LPP: variants seen among roughly 807,000 people sequenced by gnomAD.
LPP encodes LIM domain containing preferred translocation partner in lipoma, also known as lipoma-preferred partner.
A neutral mutation model predicts 60.4 loss-of-function variants in LPP; 38 were observed. That is an observed-to-expected ratio of 0.63 (90% CI 0.49 to 0.83). The LOEUF is 0.83. Among genes scored for constraint, LPP ranks in the 40% least tolerant of loss-of-function variants. The pLI, the probability that LPP is intolerant of heterozygous loss-of-function variation, is 0.00. For synonymous variants in LPP, 328 were observed against 290.8 expected, an observed-to-expected ratio of 1.13 and a Z score of -1.30; for missense variants, 902 against 783.6, an observed-to-expected ratio of 1.15 and a Z score of -1.80.
chr3:188,442,078 G>T (rs1794125614), intron 4 of LPP, among the ~76,000 whole-genome samples: 2 of 152,100 alleles, frequency 1.3e-5, no homozygotes, highest in African/African-American at 4.8e-5. Flanking sequence ...ACTATTGAAT[G>T]AATGAATGAA....
chr3:188,351,938 C>T (rs761409826), intron 3 of LPP, among the ~76,000 whole-genome samples: 1 of 152,196 alleles, frequency 6.6e-6, no homozygotes, highest in African/African-American at 2.4e-5. Flanking sequence ...GAGCTGCAAC[C>T]TGAGTGCCTC....
chr3:188,654,012 T>C (rs1303119990), intron 7 of LPP, among the ~76,000 whole-genome samples: 1 of 152,190 alleles, frequency 6.6e-6, no homozygotes, highest in East Asian at 1.9e-4. Flanking sequence ...ACCTTAGTCT[T>C]AGTGAACAAA....
intron 4 of LPP, among the ~76,000 whole-genome samples, chr3:188,407,799 T>TTTTTTTTTTG: frequency 7.2e-6 from 1 of 138,484 alleles, no homozygotes; most frequent in Non-Finnish European, 1.5e-5. Flanking sequence ...TTTTTTTTTT[T>TTTTTTTTTTG]TTTTTTTTGA....
At chr3:188,317,114 A>G (rs1755299694) in intron 2 of LPP, among the ~76,000 whole-genome samples, 1 of 152,166 alleles carries the variant, frequency 6.6e-6, no homozygotes, top group African/African-American at 2.4e-5. Context: ...ACCTGCCCAC[A>G]CAGCATGATT....
intron 6 of LPP, among the ~76,000 whole-genome samples, chr3:188,542,466 G>A (rs1825465294): frequency 6.6e-6 from 1 of 152,146 alleles, no homozygotes; most frequent in African/African-American, 2.4e-5. Context: ...CTTGCCTTGT[G>A]CACAGAATCC....
chr3:188,676,583 A>G (rs1354034661), intron 7 of LPP, among the ~76,000 whole-genome samples: 1 of 152,238 alleles, frequency 6.6e-6, no homozygotes, highest in African/African-American at 2.4e-5. Flanking sequence ...TACGTTTTAA[A>G]CAAATTGTGC....
intron 2 of LPP, among the ~76,000 whole-genome samples, chr3:188,335,569 T>C (rs1212850761): frequency 6.6e-6 from 1 of 152,142 alleles, no homozygotes; most frequent in African/African-American, 2.4e-5. Context: ...ATTTTTGAGA[T>C]TTATTCTTTT....
In LPP at chr3:188,399,168, A is replaced by G. The variant is rs531718967; in HGVS notation, c.-9-6944A>G. 1.2e-3 allele frequency among the ~76,000 whole-genome samples: 180 copies of G among 152,318 alleles called. 1 individual carries two copies. Among genetic ancestry groups the G allele is most frequent in the Middle Eastern group, 3.4e-3 (1 of 294 alleles). ...ATAACGGAAGTTACACAGTGGGCTC[A>G]TGGCGGAGCCAAGACTAGAAGCTGG... On this transcript the variant is annotated intron_variant, in intron 3 of 11. Coordinates refer to ENST00000617246, the MANE Select transcript of LPP (RefSeq NM_001375462.1).
chr3:188,596,480 G>A (rs1460256270), intron 6 of LPP, among the ~76,000 whole-genome samples: 2 of 152,132 alleles, frequency 1.3e-5, no homozygotes, highest in Non-Finnish European at 2.9e-5. Context: ...TCAGTGGACA[G>A]ACAACTCCAT....
At chr3:188,287,969 C>T (rs1382412323) in intron 2 of LPP, among the ~76,000 whole-genome samples, 1 of 152,154 alleles carries the variant, frequency 6.6e-6, no homozygotes, top group Admixed American at 6.5e-5. Flanking sequence ...GGCTTATTAG[C>T]ATAATTGCTG....
intron 4 of LPP, among the ~76,000 whole-genome samples, chr3:188,448,476 A>C (rs1205074617): frequency 1.3e-5 from 2 of 151,972 alleles, no homozygotes; most frequent in Non-Finnish European, 2.9e-5. Context: ...CTATATTTAG[A>C]TATCTTTATC....
chr3:188,746,659 C>T (rs536719717), intron 8 of LPP: 28 of 411,598 alleles, frequency 6.8e-5, no homozygotes, highest in African/African-American at 5.5e-4. Context: ...TTTCTGTGGA[C>T]TTACATGGTT....
At chr3:188,450,963 G>A (rs1220165902) in intron 4 of LPP, among the ~76,000 whole-genome samples, 1 of 152,128 alleles carries the variant, frequency 6.6e-6, no homozygotes, top group African/African-American at 2.4e-5. Flanking sequence ...ATTGGCAGAA[G>A]TTAGCTCAGG....
chr3:188,522,089 TCTC>T lies in LPP; in HGVS notation c.307-2572_307-2570del, dbSNP rs566972049. Among the ~76,000 whole-genome samples, 1,156 of 152,282 alleles carry T rather than the reference TCTC, an allele frequency of 7.6e-3. 10 individuals are homozygous for T. The highest frequency in any genetic ancestry group is 0.017 in the Middle Eastern group (5 of 294). On this transcript the variant is annotated intron_variant, in intron 5 of 11. Coordinates refer to ENST00000617246, the MANE Select transcript of LPP (RefSeq NM_001375462.1). ...ACTGCCCTTTGATATAAACATGAAA[TCTC>T]CTCTGATAGAGGGATTAGCACCTTG...
chr3:188,272,335 G>T (rs923428843), intron 2 of LPP, among the ~76,000 whole-genome samples: 1 of 152,118 alleles, frequency 6.6e-6, no homozygotes, highest in Non-Finnish European at 1.5e-5. Context: ...TCATCAACTT[G>T]TAAAAAGACC....
chr3:188,811,991 G>A (rs1751141737), intron 9 of LPP, among the ~76,000 whole-genome samples: 1 of 152,030 alleles, frequency 6.6e-6, no homozygotes, highest in Admixed American at 6.6e-5. Flanking sequence ...CAGATCATTA[G>A]AATATTGTCT....
chr3:188,267,201 A>G (rs1246839408), intron 2 of LPP, among the ~76,000 whole-genome samples: 2 of 152,224 alleles, frequency 1.3e-5, no homozygotes, highest in African/African-American at 4.8e-5. Context: ...TTGCCTCTCA[A>G]GTCCTTCTAG....
intron 6 of LPP, among the ~76,000 whole-genome samples, chr3:188,583,484 T>G (rs1836733569): frequency 6.6e-6 from 1 of 152,184 alleles, no homozygotes; most frequent in Non-Finnish European, 1.5e-5. Flanking sequence ...ATAATTTAGT[T>G]TAAATGTCCT....
intron 2 of LPP, among the ~76,000 whole-genome samples, chr3:188,240,454 T>C (rs1240482146): frequency 2.0e-5 from 3 of 151,920 alleles, no homozygotes; most frequent in Admixed American, 6.6e-5. Context: ...CAGTAGCAAC[T>C]TCATAGGCAC....
Sources: gnomAD v4.1 joint callset for allele counts (sites outside exome capture counted in the v4.1 genomes callset) on GRCh38, gnomAD v4.1.1 for gene constraint, MANE v1.5 for transcripts, NCBI Gene and HGNC (gene_info 2026-07-23, HGNC 2026-07-21) for gene names.